Variants in C8B observed in about 807,000 individuals in gnomAD.
The protein encoded by C8B is complement component C8 beta chain.
In C8B, 67 loss-of-function variants were observed where a neutral mutation model predicts 64.6. The observed-to-expected ratio is 1.04, with a 90% confidence interval of 0.85 to 1.27. C8B has a LOEUF of 1.27. C8B is among the 50% of genes most tolerant of loss of function. C8B has a pLI of 0.00. For synonymous variants in C8B, 284 were observed against 257.7 expected (o/e 1.10, Z -0.98); for missense variants, 790 against 725.2 (o/e 1.09, Z -1.03).
At chr1:56,956,670 GACCCTGA>G in intron 3 of C8B, 92 bp downstream of exon 3, 1 of 1,348,924 alleles carries the variant, frequency 7.4e-7, no homozygotes, top group Non-Finnish European at 1.1e-6. Flanking sequence ...GCTGCCCCAT[GACCCTGA>G]TCTTGAGCAC....
chr1:56,954,367 C>A (rs1645069529), intron 4 of C8B, among the ~76,000 whole-genome samples: 4 of 152,194 alleles, frequency 2.6e-5, no homozygotes, highest in Non-Finnish European at 5.9e-5. Flanking sequence ...AACATGGTCA[C>A]ACTGCAGGTG....
intron 1 of C8B, among the ~76,000 whole-genome samples, chr1:56,964,668 C>CT (rs151185768): frequency 0.031 from 4,693 of 152,256 alleles, 226 homozygotes; most frequent in African/African-American, 0.1. Context: ...CTGGCTGCCC[C>CT]GTAGCATCTT....
At chr1:56,960,841 G>A (rs572817240) in intron 1 of C8B, among the ~76,000 whole-genome samples, 2 of 152,312 alleles carry the variant, frequency 1.3e-5, no homozygotes, top group African/African-American at 4.8e-5. Context: ...TCTTGATGGG[G>A]AAGACTTGAG....
intron 5 of C8B, among the ~76,000 whole-genome samples, chr1:56,950,306 C>T (rs1645002052): frequency 6.6e-6 from 1 of 152,132 alleles, no homozygotes; most frequent in Non-Finnish European, 1.5e-5. Flanking sequence ...GTCAGAGAGA[C>T]AAACCCATGA....
At chr1:56,935,780 A>C (rs976569054) in intron 9 of C8B, among the ~76,000 whole-genome samples, 3 of 152,234 alleles carry the variant, frequency 2.0e-5, no homozygotes, top group Non-Finnish European at 4.4e-5. Flanking sequence ...TGGTGGAAAA[A>C]GGGTGTGACC....
chr1:56,959,552 G>A lies in C8B; in HGVS notation c.249+468C>T, dbSNP rs141152521. 392 of 1,528,626 alleles carry A rather than the reference G, an allele frequency of 2.6e-4. No homozygotes were observed. In the African/African-American group the frequency reaches 3.6e-3, roughly 14 times the overall value. 94.7% of individuals were successfully genotyped at this position (1,528,626 alleles called of 1,614,324 possible). ...ACCTGAGAAAGCAGCATGAAGAAAC[G>A]CCCAGAGAGAGTGAAGGCCAGAGTC... On this transcript the variant is annotated intron_variant, in intron 2 of 11. Coordinates refer to ENST00000371237, the MANE Select transcript of C8B (RefSeq NM_000066.4).
intron 4 of C8B, among the ~76,000 whole-genome samples, chr1:56,952,800 T>C (rs1645041938): frequency 6.6e-6 from 1 of 152,162 alleles, no homozygotes; most frequent in Non-Finnish European, 1.5e-5. Context: ...CATATGCAAA[T>C]AGGGACCATG....
chr1:56,963,827 C>T, intron 1 of C8B: 1 of 980,230 alleles, frequency 1.0e-6, no homozygotes, highest in Non-Finnish European at 1.2e-6. Context: ...CACAGAGTGG[C>T]AATACATAAT....
intron 2 of C8B, chr1:56,959,447 T>G (rs937005563): frequency 4.7e-6 from 4 of 856,340 alleles, no homozygotes; most frequent in Non-Finnish European, 3.8e-6. Flanking sequence ...AAAAGCTTTC[T>G]CAAAAGAGGC....
chr1:56,952,291 C>A (rs1645034504), intron 4 of C8B, 111 bp from the exon 5 acceptor site: 2 of 1,428,708 alleles, frequency 1.4e-6, no homozygotes, highest in Non-Finnish European at 2.0e-6. Context: ...GCCTTCAAGG[C>A]CCTTGATACC....
intron 4 of C8B, among the ~76,000 whole-genome samples, chr1:56,952,803 G>A (rs1467725110): frequency 6.6e-6 from 1 of 152,084 alleles, no homozygotes; most frequent in Non-Finnish European, 1.5e-5. Flanking sequence ...ATGCAAATAG[G>A]GACCATGAAA....
rs774905937 is a variant in C8B, at chr1:56,956,858, T to C, written c.302A>G (p.Asn101Ser). ...GTCTTCGACTTCCTTGTCAGAGAAG[T>C]TGCACGGTTCCCCATGGAACTGAGA... ...QPSQFHGEPC[N>S]FSDKEVEDCV... Residue 101 changes from asparagine (N) to serine (S), a missense_variant, in exon 3 of 12, where the codon AAC (asparagine) becomes AGC (serine). Transcript: ENST00000371237. The C allele has an allele frequency of 5.6e-5, 90 of 1,613,992 alleles. No individual in the cohort carries two copies. Among genetic ancestry groups the C allele is most frequent in the Non-Finnish European group, 7.5e-5 (88 of 1,180,004 alleles).
intron 2 of C8B, among the ~76,000 whole-genome samples, chr1:56,957,667 C>T (rs1232740889): frequency 2.0e-5 from 3 of 151,982 alleles, no homozygotes; most frequent in Non-Finnish European, 4.4e-5. Context: ...ATTGAGCCAC[C>T]CAGTGTTGAA....
chr1:56,941,151 G>T, intron 8 of C8B, 139 bp from the exon 9 acceptor site: 1 of 958,758 alleles, frequency 1.0e-6, no homozygotes, highest in Non-Finnish European at 1.6e-6. Context: ...ACACTTCCTT[G>T]TCCACAGGGC....
chr1:56,959,475 T>A, intron 2 of C8B: 1 of 1,103,818 alleles, frequency 9.1e-7, no homozygotes, highest in Non-Finnish European at 1.3e-6. Context: ...GAGTAGGAGT[T>A]TCAAATTGTG....
chr1:56,957,678 A>C (rs1212552563), intron 2 of C8B, among the ~76,000 whole-genome samples: 1 of 152,102 alleles, frequency 6.6e-6, no homozygotes, highest in Non-Finnish European at 1.5e-5. Context: ...CAGTGTTGAA[A>C]AGGTAGATGT....
chr1:56,933,554 A>G, intron 9 of C8B, 66 bp from the exon 10 acceptor site: 1 of 1,378,174 alleles, frequency 7.3e-7, no homozygotes, highest in South Asian at 1.2e-5. Flanking sequence ...GTAAAACAAA[A>G]CTACAAAGGA....
intron 6 of C8B, among the ~76,000 whole-genome samples, chr1:56,948,090 G>A (rs1217273053): frequency 6.6e-6 from 1 of 152,154 alleles, no homozygotes; most frequent in Non-Finnish European, 1.5e-5. Context: ...ATAGTGCCTG[G>A]CCCAGTGCTA....
intron 6 of C8B, among the ~76,000 whole-genome samples, chr1:56,949,050 T>G (rs115171615): frequency 2.0e-5 from 3 of 151,746 alleles, no homozygotes; most frequent in Admixed American, 2.0e-4. Flanking sequence ...AGAAAGATAA[T>G]TGGTTGTTAG....
Sources: allele counts gnomAD v4.1 joint callset (sites outside exome capture counted in the v4.1 genomes callset), GRCh38; gene constraint gnomAD v4.1.1; transcripts MANE v1.5; gene names NCBI Gene and HGNC (gene_info 2026-07-23, HGNC 2026-07-21).